TXNDC16: variants seen among roughly 807,000 people sequenced by gnomAD.
The protein encoded by TXNDC16 is thioredoxin domain-containing protein 16.
TXNDC16 carries 74 observed loss-of-function variants against 85.6 expected under a neutral mutation model. The ratio of observed to expected loss-of-function variants is 0.86; its 90% CI spans 0.72 to 1.05. The LOEUF is 1.05. Among genes scored for constraint, TXNDC16 ranks in the 50% least tolerant of loss-of-function variants. TXNDC16 has a pLI of 0.00. For synonymous variants in TXNDC16, 335 were observed against 326.5 expected (o/e 1.03, Z -0.28); for missense variants, 959 against 947.0 (o/e 1.01, Z -0.17).
In TXNDC16 at chr14:52,536,803, G is replaced by T. The variant is rs553731592; in HGVS notation, c.318-10C>A. 152 of 1,593,432 alleles carry T rather than the reference G, an allele frequency of 9.5e-5. No individual in the cohort carries two copies. In the African/African-American group the frequency reaches 1.7e-3, roughly 18 times the overall value. Reference sequence around the variant, plus strand: ...GAGCAATATGTTGCCCCTATAAAAAGTTTAAAAACATATTAATATTGAAAA... The same window carrying T: ...GAGCAATATGTTGCCCCTATAAAAATTTTAAAAACATATTAATATTGAAAA... On this transcript the variant is annotated splice_polypyrimidine_tract_variant and intron_variant, in intron 5 of 20. Coordinates refer to ENST00000281741, the MANE Select transcript of TXNDC16 (RefSeq NM_020784.3).
At chr14:52,479,298 T>G (rs2036090918) in intron 14 of TXNDC16, among the ~76,000 whole-genome samples, 1 of 152,062 alleles carries the variant, frequency 6.6e-6, no homozygotes, top group Non-Finnish European at 1.5e-5. Flanking sequence ...AACACAGTAC[T>G]GAAAGTCCTA....
Position 52,514,921 on chromosome 14 carries a change from T to C in TXNDC16, c.564A>G (p.Gln188=). 6.2e-7 allele frequency: 1 copy of C among 1,612,956 alleles called. No individual in the cohort carries two copies. The highest frequency in any genetic ancestry group is 8.5e-7 in the Non-Finnish European group (1 of 1,179,184). Reference sequence around the variant, plus strand: ...GGGCAATTTCTGTGGTTAAGACAAATTGGTATGTAGTCCCATACACAAAAG... The same window carrying C: ...GGGCAATTTCTGTGGTTAAGACAAACTGGTATGTAGTCCCATACACAAAAG... ...EAAFVYGTTY[Q]FVLTTEIALL... The change falls in exon 8 of 21, where the codon CAA becomes CAG. Residue 188 remains glutamine, a synonymous_variant. Transcript: ENST00000281741.
At chr14:52,532,576 A>G (rs1277371479) in intron 6 of TXNDC16, among the ~76,000 whole-genome samples, 1 of 151,986 alleles carries the variant, frequency 6.6e-6, no homozygotes, top group Non-Finnish European at 1.5e-5. Flanking sequence ...AGCTGGGACT[A>G]CAGGCGCCCG....
chr14:52,536,051 A>C (rs558254916), intron 6 of TXNDC16, among the ~76,000 whole-genome samples: 3 of 152,128 alleles, frequency 2.0e-5, no homozygotes, highest in Admixed American at 1.3e-4. Flanking sequence ...CAAAAAAAAA[A>C]CAAAGATGAG....
chr14:52,493,216 T>TATATATATATATACACACACAC, intron 9 of TXNDC16, among the ~76,000 whole-genome samples: 26 of 115,990 alleles, frequency 2.2e-4, no homozygotes, highest in African/African-American at 9.2e-4. Context: ...TATATATATA[T>TATATATATATATACACACACAC]ACACACACAC....
chr14:52,543,381 AT>A lies in TXNDC16; in HGVS notation c.160+16del, dbSNP rs759885320. On this transcript the variant is annotated intron_variant, in intron 3 of 20. Coordinates refer to ENST00000281741, the MANE Select transcript of TXNDC16 (RefSeq NM_020784.3). ...AAAACATCACAAGAATCATATTAGA[AT>A]TTTAAAAATACTTACCAGCTTGACA... The A allele has an allele frequency of 5.0e-6, 8 of 1,592,000 alleles. No individual in the cohort carries two copies. In the South Asian group the frequency reaches 9.3e-5, roughly 18 times the overall value.
At chr14:52,503,271 C>T (rs1341743188) in intron 9 of TXNDC16, among the ~76,000 whole-genome samples, 1 of 152,216 alleles carries the variant, frequency 6.6e-6, no homozygotes, top group Non-Finnish European at 1.5e-5. Flanking sequence ...GAACAGACTG[C>T]CTCCTCAAGT....
chr14:52,487,662 A>G (rs548096850), intron 12 of TXNDC16, among the ~76,000 whole-genome samples: 45 of 152,310 alleles, frequency 3.0e-4, no homozygotes, highest in African/African-American at 1.0e-3. Flanking sequence ...GACTGTCACT[A>G]ATAATAAGAT....
chr14:52,493,204 T>TACACAC lies in TXNDC16; in HGVS notation c.757-2200_757-2199insGTGTGT, dbSNP rs1491364654. Among the ~76,000 whole-genome samples, 740 of 108,212 alleles carry TACACAC rather than the reference T, an allele frequency of 6.8e-3. 11 individuals are homozygous for TACACAC. The East Asian group carries it at 0.1, about 15-fold the overall frequency. The allele number at this position is 108,212 out of a possible 152,430, so 71.0% of individuals were successfully genotyped here. A position where few individuals can be genotyped will look rare whatever the true frequency, so the allele number is the denominator to read the frequency against. On this transcript the variant is annotated intron_variant, in intron 9 of 20. Coordinates refer to ENST00000281741, the MANE Select transcript of TXNDC16 (RefSeq NM_020784.3). ...CACATGTCACTGTTCTATATATATA[T>TACACAC]ATATATATATATACACACACACACA...
At chr14:52,531,262 C>T (rs1039085078) in intron 6 of TXNDC16, among the ~76,000 whole-genome samples, 6 of 152,054 alleles carry the variant, frequency 3.9e-5, no homozygotes, top group East Asian at 1.9e-4. Context: ...CAGCTAGCAA[C>T]GTTTTATAAA....
chr14:52,491,971 T>C (rs2036418177), intron 9 of TXNDC16, among the ~76,000 whole-genome samples: 1 of 152,148 alleles, frequency 6.6e-6, no homozygotes, highest in Non-Finnish European at 1.5e-5. Flanking sequence ...GAACTGTCAG[T>C]GTTAGGCATG....
At position 52,501,441 on chromosome 14, in the gene TXNDC16, A is replaced by G. The variant is rs77295772; in HGVS notation, c.756+9799T>C. Among the ~76,000 whole-genome samples the G allele has an allele frequency of 4.9e-3, 741 of 152,304 alleles. 14 individuals carry two copies. The highest frequency in any genetic ancestry group is 0.039 in the Admixed American group (603 of 15,290). On this transcript the variant is annotated intron_variant, in intron 9 of 20. Transcript: ENST00000281741. ...TAAAAAGACTTTGTAAACATACCAA[A>G]TTATTTCAGATCCTGAACCCAGAAA...
intron 6 of TXNDC16, among the ~76,000 whole-genome samples, chr14:52,534,374 C>T (rs1249211188): frequency 6.6e-6 from 1 of 152,128 alleles, no homozygotes; most frequent in African/African-American, 2.4e-5. Context: ...AACACAAATT[C>T]GTAAACTTTC....
intron 11 of TXNDC16, among the ~76,000 whole-genome samples, chr14:52,489,411 T>G (rs2036350166): frequency 6.6e-6 from 1 of 152,200 alleles, no homozygotes; most frequent in Non-Finnish European, 1.5e-5. Context: ...AAAGTGTTCT[T>G]GACTGTAACT....
intron 11 of TXNDC16, among the ~76,000 whole-genome samples, chr14:52,489,047 T>A (rs1444130585): frequency 7.2e-5 from 11 of 152,168 alleles, no homozygotes; most frequent in Non-Finnish European, 1.5e-4. Flanking sequence ...ACAACCACAT[T>A]ATACTGAAGT....
intron 9 of TXNDC16, among the ~76,000 whole-genome samples, chr14:52,502,331 T>C (rs2036677980): frequency 6.6e-6 from 1 of 152,274 alleles, no homozygotes; most frequent in South Asian, 2.1e-4. Context: ...CTCCAGACTT[T>C]GATTAACAAT....
At chr14:52,532,443 A>AT (rs201072751) in intron 6 of TXNDC16, among the ~76,000 whole-genome samples, 1,497 of 148,086 alleles carry the variant, frequency 0.01, 21 homozygotes, top group Admixed American at 0.042. Context: ...GTTCAAATCT[A>AT]TTTTTTTTTT....
At chr14:52,534,323 C>T (rs1767293708) in intron 6 of TXNDC16, among the ~76,000 whole-genome samples, 1 of 152,194 alleles carries the variant, frequency 6.6e-6, no homozygotes. Context: ...ACCTGTGGCT[C>T]ATGGGCTGCA....
intron 9 of TXNDC16, among the ~76,000 whole-genome samples, chr14:52,510,931 A>G (rs1594743399): frequency 6.6e-6 from 1 of 152,222 alleles, no homozygotes; most frequent in East Asian, 1.9e-4. Flanking sequence ...ACCAAGACCC[A>G]GAGTTCATTA....
Sources: allele counts gnomAD v4.1 joint callset (sites outside exome capture counted in the v4.1 genomes callset), GRCh38; gene constraint gnomAD v4.1.1; transcripts MANE v1.5; gene names NCBI Gene and HGNC (gene_info 2026-07-23, HGNC 2026-07-21).